The following KHDRBS3 variants were observed in gnomAD, a reference collection of about 807,000 sequenced individuals.
KHDRBS3 encodes the protein KH domain-containing, RNA-binding, signal transduction-associated protein 3.
KHDRBS3 carries 23 observed loss-of-function variants against 45.6 expected under a neutral mutation model. That is an observed-to-expected ratio of 0.50 (90% CI 0.36 to 0.72). The LOEUF is 0.72. Among genes scored for constraint, KHDRBS3 ranks in the 30% least tolerant of loss-of-function variants. The pLI, the probability that KHDRBS3 is intolerant of heterozygous loss-of-function variation, is 0.00. For synonymous variants in KHDRBS3, 162 were observed against 156.5 expected (o/e 1.04, Z -0.26); for missense variants, 352 against 424.8 (o/e 0.83, Z 1.51).
intron 6 of KHDRBS3, among the ~76,000 whole-genome samples, chr8:135,600,222 T>A (rs1829148130): frequency 6.6e-6 from 1 of 152,188 alleles, no homozygotes; most frequent in Non-Finnish European, 1.5e-5. Flanking sequence ...GAGTGGAGAT[T>A]TTAAGCAGGG....
At chr8:135,517,884 A>G (rs1250128106) in intron 1 of KHDRBS3, among the ~76,000 whole-genome samples, 4 of 152,234 alleles carry the variant, frequency 2.6e-5, no homozygotes, top group Non-Finnish European at 4.4e-5. Context: ...AGTGCATTCT[A>G]GCAACTTAAG....
intron 6 of KHDRBS3, among the ~76,000 whole-genome samples, chr8:135,600,294 A>G (rs140551856): frequency 6.6e-6 from 1 of 152,336 alleles, no homozygotes; most frequent in African/African-American, 2.4e-5. Flanking sequence ...GAATGTTTAG[A>G]TAAGGAAGCA....
At chr8:135,497,310 G>C (rs1823504223) in intron 1 of KHDRBS3, among the ~76,000 whole-genome samples, 1 of 152,168 alleles carries the variant, frequency 6.6e-6, no homozygotes, top group Non-Finnish European at 1.5e-5. Flanking sequence ...AAATGCTCCG[G>C]CAGTCCTAAA....
At chr8:135,644,632 G>T (rs1364360536) in intron 7 of KHDRBS3, among the ~76,000 whole-genome samples, 1 of 152,200 alleles carries the variant, frequency 6.6e-6, no homozygotes, top group Non-Finnish European at 1.5e-5. Context: ...GAAAGGAGGT[G>T]TTTACCTCCT....
At chr8:135,482,286 A>G (rs1242160990) in intron 1 of KHDRBS3, among the ~76,000 whole-genome samples, 1 of 152,230 alleles carries the variant, frequency 6.6e-6, no homozygotes, top group Non-Finnish European at 1.5e-5. Flanking sequence ...AAGAAAAATA[A>G]TTAACAATAA....
chr8:135,637,933 G>C (rs1383850566), intron 7 of KHDRBS3, among the ~76,000 whole-genome samples: 1 of 152,192 alleles, frequency 6.6e-6, no homozygotes, highest in Non-Finnish European at 1.5e-5. Context: ...GATGGACTAA[G>C]AGCCTATATC....
chr8:135,595,088 G>A (rs1484463111), intron 6 of KHDRBS3, among the ~76,000 whole-genome samples: 1 of 152,184 alleles, frequency 6.6e-6, no homozygotes, highest in South Asian at 2.1e-4. Context: ...AATACTTAAT[G>A]AAAGAAGAAT....
intron 6 of KHDRBS3, among the ~76,000 whole-genome samples, chr8:135,590,827 GA>G (rs1828709716): frequency 6.6e-6 from 1 of 152,084 alleles, no homozygotes; most frequent in East Asian, 1.9e-4. Context: ...ATTTAATTAT[GA>G]TTGCATCAGC....
chr8:135,538,274 G>C (rs995234581), intron 2 of KHDRBS3, among the ~76,000 whole-genome samples: 1 of 152,184 alleles, frequency 6.6e-6, no homozygotes, highest in Non-Finnish European at 1.5e-5. Flanking sequence ...ACAAAGGAGA[G>C]AAGTGGAACC....
At chr8:135,529,728 A>G (rs550913357) in intron 2 of KHDRBS3, among the ~76,000 whole-genome samples, 28 of 152,304 alleles carry the variant, frequency 1.8e-4, no homozygotes, top group Admixed American at 5.2e-4. Flanking sequence ...GAAACAGTCT[A>G]TTACATGTAT....
intron 5 of KHDRBS3, among the ~76,000 whole-genome samples, chr8:135,560,468 G>A (rs1330139515): frequency 1.3e-5 from 2 of 152,156 alleles, no homozygotes; most frequent in Admixed American, 1.3e-4. Context: ...AGAATAGAGT[G>A]TGGAGAATCG....
At chr8:135,588,957 CCCAAGTT>C (rs1402825013) in intron 6 of KHDRBS3, among the ~76,000 whole-genome samples, 1 of 152,148 alleles carries the variant, frequency 6.6e-6, no homozygotes, top group Non-Finnish European at 1.5e-5. Context: ...TAACCAGACT[CCCAAGTT>C]CTAATTCTTT....
chr8:135,475,558 C>T (rs10092025), intron 1 of KHDRBS3, among the ~76,000 whole-genome samples: 19,497 of 152,030 alleles, frequency 0.13, 2,619 homozygotes, highest in African/African-American at 0.34. Context: ...ATGATCCACC[C>T]TCCTCAGGCT....
intron 3 of KHDRBS3, 120 bp downstream of exon 3, chr8:135,542,890 A>C: frequency 1.5e-6 from 1 of 688,896 alleles, no homozygotes; most frequent in Non-Finnish European, 2.5e-6. Context: ...CTGTTTAGAA[A>C]ATTGAGTCAC....
At chr8:135,584,364 G>A (rs1828360423) in intron 6 of KHDRBS3, among the ~76,000 whole-genome samples, 1 of 152,194 alleles carries the variant, frequency 6.6e-6, no homozygotes, top group Admixed American at 6.5e-5. Context: ...CTTTCCAGGT[G>A]TGCTTTGGGT....
chr8:135,472,717 C>T (rs958259918), intron 1 of KHDRBS3, among the ~76,000 whole-genome samples: 3 of 152,102 alleles, frequency 2.0e-5, no homozygotes, highest in Non-Finnish European at 2.9e-5. Flanking sequence ...CTAGATGGAT[C>T]GCTTGTGGGT....
intron 5 of KHDRBS3, among the ~76,000 whole-genome samples, chr8:135,576,160 G>A (rs571109884): frequency 2.6e-5 from 4 of 152,282 alleles, no homozygotes; most frequent in East Asian, 1.9e-4. Flanking sequence ...TCAAGTATAC[G>A]TACTGTCCAC....
At chr8:135,458,088 G>T (rs1821210354) in intron 1 of KHDRBS3, 134 bp downstream of exon 1, 4 of 1,394,500 alleles carry the variant, frequency 2.9e-6, no homozygotes, top group Non-Finnish European at 3.7e-6. Context: ...GGCCCCCGGG[G>T]TCGTTTGCAC....
At chr8:135,495,251 G>C (rs1363141753) in intron 1 of KHDRBS3, among the ~76,000 whole-genome samples, 1 of 152,152 alleles carries the variant, frequency 6.6e-6, no homozygotes, top group African/African-American at 2.4e-5. Flanking sequence ...TCTCTTTGGA[G>C]GGGCTTTAGA....
Sources: allele counts gnomAD v4.1 joint callset (sites outside exome capture counted in the v4.1 genomes callset), GRCh38; gene constraint gnomAD v4.1.1; transcripts MANE v1.5; gene names NCBI Gene and HGNC (gene_info 2026-07-23, HGNC 2026-07-21).